The following CNTN6 variants were observed in gnomAD, a reference collection of about 807,000 sequenced individuals.
CNTN6 encodes contactin-6.
Under a neutral mutation model 122.8 loss-of-function variants are expected in CNTN6, and 137 were observed. The observed-to-expected ratio is 1.12, with a 90% CI of 0.97 to 1.29. The LOEUF (loss-of-function observed/expected upper bound fraction) is 1.29. Among genes scored for constraint, CNTN6 ranks in the 50% most tolerant of loss-of-function variants. CNTN6 has a pLI of 0.00. For synonymous variants in CNTN6, 570 were observed against 426.0 expected (o/e 1.34, Z -4.16); for missense variants, 1,634 against 1,223.4 (o/e 1.34, Z -5.01).
intron 1 of CNTN6, among the ~76,000 whole-genome samples, chr3:1,133,679 CA>C (rs1162281939): frequency 6.6e-6 from 1 of 152,118 alleles, no homozygotes; most frequent in Non-Finnish European, 1.5e-5. Context: ...GGTAGACTGA[CA>C]AAGTCAATGC....
intron 1 of CNTN6, among the ~76,000 whole-genome samples, chr3:1,117,019 C>A (rs2091749410): frequency 6.6e-6 from 1 of 151,984 alleles, no homozygotes; most frequent in African/African-American, 2.4e-5. Flanking sequence ...CCGGGGAATG[C>A]CAAGTCATGA....
chr3:1,109,915 A>G (rs371612657), intron 1 of CNTN6, among the ~76,000 whole-genome samples: 1 of 152,038 alleles, frequency 6.6e-6, no homozygotes, highest in East Asian at 1.9e-4. Context: ...TTATTTTTAC[A>G]TATCTCTTCT....
intron 4 of CNTN6, among the ~76,000 whole-genome samples, chr3:1,270,839 T>C (rs972209268): frequency 6.6e-6 from 1 of 152,222 alleles, no homozygotes; most frequent in Non-Finnish European, 1.5e-5. Flanking sequence ...CAGTATGGTC[T>C]GGTGGTTAAG....
At chr3:1,171,965 C>T (rs972982669) in intron 2 of CNTN6, among the ~76,000 whole-genome samples, 9 of 152,220 alleles carry the variant, frequency 5.9e-5, no homozygotes, top group Middle Eastern at 6.8e-3. Context: ...TTGCATCGTG[C>T]CTTCTCATAA....
chr3:1,300,621 G>A (rs954220745), intron 7 of CNTN6, among the ~76,000 whole-genome samples: 11 of 151,356 alleles, frequency 7.3e-5, no homozygotes, highest in Admixed American at 6.6e-4. Flanking sequence ...AAGAAAGGAA[G>A]AAAAGGAGAG....
At chr3:1,233,028 G>T (rs1472267747) in intron 4 of CNTN6, among the ~76,000 whole-genome samples, 1 of 152,152 alleles carries the variant, frequency 6.6e-6, no homozygotes, top group Non-Finnish European at 1.5e-5. Context: ...GAAATGACTG[G>T]TTTTCTAGGT....
intron 7 of CNTN6, among the ~76,000 whole-genome samples, chr3:1,315,064 C>T (rs1320561245): frequency 1.3e-5 from 2 of 151,860 alleles, no homozygotes; most frequent in African/African-American, 4.8e-5. Flanking sequence ...TTGCCAGAAA[C>T]GACTGATATC....
chr3:1,175,045 G>A (rs2093422764), intron 2 of CNTN6, among the ~76,000 whole-genome samples: 1 of 151,754 alleles, frequency 6.6e-6, no homozygotes, highest in Non-Finnish European at 1.5e-5. Context: ...AGACCAGCTT[G>A]GGCAACATGG....
chr3:1,393,981 C>A (rs556077650), intron 20 of CNTN6, among the ~76,000 whole-genome samples: 1 of 152,236 alleles, frequency 6.6e-6, no homozygotes, highest in East Asian at 1.9e-4. Context: ...TTTGAAGCAC[C>A]TTCTTCCCTG....
chr3:1,298,144 A>C (rs1022194252), intron 7 of CNTN6, 153 bp downstream of exon 7: 4 of 598,934 alleles, frequency 6.7e-6, no homozygotes, highest in Non-Finnish European at 1.2e-5. Flanking sequence ...AATTTAAACA[A>C]ACATGTCTAA....
chr3:1,386,022 C>T (rs569665249), intron 20 of CNTN6, among the ~76,000 whole-genome samples: 15 of 152,220 alleles, frequency 9.9e-5, no homozygotes, highest in East Asian at 5.8e-4. Flanking sequence ...CCAAGTATAT[C>T]GATGAAAGAC....
intron 20 of CNTN6, among the ~76,000 whole-genome samples, chr3:1,391,626 C>T (rs1030192300): frequency 6.6e-6 from 1 of 151,396 alleles, no homozygotes. Context: ...TCCCTGTTTG[C>T]AGATGAGATG....
chr3:1,384,209 C>T (rs963372130), intron 19 of CNTN6, among the ~76,000 whole-genome samples: 4 of 152,096 alleles, frequency 2.6e-5, no homozygotes, highest in Non-Finnish European at 4.4e-5. Context: ...GGACAGATCT[C>T]ATATTAAGTG....
At chr3:1,362,322 C>G (rs1432922861) in intron 12 of CNTN6, among the ~76,000 whole-genome samples, 1 of 151,864 alleles carries the variant, frequency 6.6e-6, no homozygotes, top group African/African-American at 2.4e-5. Flanking sequence ...GACCAAAACT[C>G]AGAGAAAAAA....
intron 2 of CNTN6, among the ~76,000 whole-genome samples, chr3:1,183,653 C>G (rs1403065646): frequency 6.6e-6 from 1 of 152,072 alleles, no homozygotes; most frequent in Non-Finnish European, 1.5e-5. Context: ...ATCCCTTATT[C>G]CATTTCTGGC....
chr3:1,260,020 G>A (rs1262603446), intron 4 of CNTN6, among the ~76,000 whole-genome samples: 1 of 152,084 alleles, frequency 6.6e-6, no homozygotes, highest in African/African-American at 2.4e-5. Context: ...GAGTTCTTAA[G>A]GGTCATGTAG....
At chr3:1,299,163 A>G (rs1696784541) in intron 7 of CNTN6, among the ~76,000 whole-genome samples, 1 of 152,174 alleles carries the variant, frequency 6.6e-6, no homozygotes, top group Admixed American at 6.5e-5. Flanking sequence ...TTTATCAAAT[A>G]AATAATTATT....
intron 7 of CNTN6, among the ~76,000 whole-genome samples, chr3:1,311,811 T>A (rs1156275108): frequency 6.6e-6 from 1 of 151,924 alleles, no homozygotes; most frequent in East Asian, 1.9e-4. Flanking sequence ...CTTAAAAATA[T>A]ACCATGAACA....
At chr3:1,135,031 A>G (rs1394174395) in intron 1 of CNTN6, among the ~76,000 whole-genome samples, 1 of 152,112 alleles carries the variant, frequency 6.6e-6, no homozygotes, top group African/African-American at 2.4e-5. Context: ...CATGCCCCAT[A>G]GCACAAAGTA....
Sources: gnomAD v4.1 joint callset for allele counts (sites outside exome capture counted in the v4.1 genomes callset) on GRCh38, gnomAD v4.1.1 for gene constraint, MANE v1.5 for transcripts, NCBI Gene and HGNC (gene_info 2026-07-23, HGNC 2026-07-21) for gene names.